ZSCAN25: variants seen among roughly 807,000 people sequenced by gnomAD.
The protein encoded by ZSCAN25 is zinc finger and SCAN domain containing 25, also known as zinc finger and SCAN domain-containing protein 25.
In ZSCAN25, 27 loss-of-function variants were observed where a neutral mutation model predicts 38.7. The observed-to-expected ratio is 0.70, with a 90% CI of 0.51 to 0.96. The LOEUF (loss-of-function observed/expected upper bound fraction) is 0.96, where lower values mean the gene tolerates loss of function less well. Among genes scored for constraint, ZSCAN25 ranks in the 40% least tolerant of loss-of-function variants. ZSCAN25 has a pLI of 0.00. For synonymous variants in ZSCAN25, 273 were observed against 277.7 expected, an observed-to-expected ratio of 0.98 and a Z score of 0.17; for missense variants, 637 against 705.9, an observed-to-expected ratio of 0.90 and a Z score of 1.11.
At chr7:99,654,960 T>A in the ZSCAN25 span, among the ~76,000 whole-genome samples, 1 of 152,206 alleles carries the variant, frequency 6.6e-6, no homozygotes, top group African/African-American at 2.4e-5. Flanking sequence ...TTGAGATCAT[T>A]GTAGATTCTG....
the ZSCAN25 span, among the ~76,000 whole-genome samples, chr7:99,699,261 A>C: frequency 6.6e-6 from 1 of 152,212 alleles, no homozygotes; most frequent in Non-Finnish European, 1.5e-5. Flanking sequence ...AAATCTTCAA[A>C]ACTTCCTCCA....
At chr7:99,720,175 A>T in the ZSCAN25 span, 1 of 1,034,032 alleles carries the variant, frequency 9.7e-7, no homozygotes, top group South Asian at 1.5e-5. Context: ...AGATGTTACC[A>T]TGGGGGATGG....
At chr7:99,709,442 A>G in the ZSCAN25 span, among the ~76,000 whole-genome samples, 6 of 152,156 alleles carry the variant, frequency 3.9e-5, no homozygotes, top group Admixed American at 1.3e-4. Context: ...ATGGCCCACT[A>G]AGATGTGTGG....
the ZSCAN25 span, among the ~76,000 whole-genome samples, chr7:99,639,287 C>T: frequency 6.6e-6 from 1 of 152,192 alleles, no homozygotes; most frequent in African/African-American, 2.4e-5. Flanking sequence ...ATGGACTGGA[C>T]CTGTTTCCTG....
the ZSCAN25 span, chr7:99,647,620 C>G: frequency 1.0e-6 from 1 of 985,160 alleles, no homozygotes; most frequent in Non-Finnish European, 1.2e-6. Context: ...TTGAGTGTTA[C>G]AAAAAATATG....
chr7:99,686,202 C>T, the ZSCAN25 span, among the ~76,000 whole-genome samples: 1 of 152,160 alleles, frequency 6.6e-6, no homozygotes, highest in African/African-American at 2.4e-5. Flanking sequence ...CGAAGCAGGG[C>T]GAGGCATTGC....
chr7:99,695,284 G>A, the ZSCAN25 span, among the ~76,000 whole-genome samples: 1 of 152,282 alleles, frequency 6.6e-6, no homozygotes, highest in South Asian at 2.1e-4. Flanking sequence ...AATAAAGTGA[G>A]TTTCAAAGCT....
the ZSCAN25 span, among the ~76,000 whole-genome samples, chr7:99,698,020 G>A: frequency 4.6e-5 from 7 of 152,186 alleles, no homozygotes; most frequent in African/African-American, 1.4e-4. Flanking sequence ...GACTCACATG[G>A]TTCCATGTCA....
At chr7:99,670,747 A>G in the ZSCAN25 span, among the ~76,000 whole-genome samples, 1 of 152,152 alleles carries the variant, frequency 6.6e-6, no homozygotes, top group Admixed American at 6.5e-5. Context: ...GTGAGCTACT[A>G]TTTTCAAGGA....
rs771782387 is a variant in ZSCAN25, at chr7:99,619,993, G to A, written c.387G>A (p.Ala129=). 32 of 1,609,922 alleles carry A rather than the reference G, an allele frequency of 2.0e-5. No homozygotes were observed. Among genetic ancestry groups the A allele is most frequent in the African/African-American group, 4.0e-5 (3 of 74,904 alleles). ...CAGAAAGAGCACTGGAGGCCAAGGC[G>A]GTGGGTGAGGAGGGGATCCAGGTCT... ...DLTERALEAK[A]VPCHRQGEQE... is the part of the protein sequence containing the mutation. The change falls in exon 4 of 8, where the codon GCG becomes GCA. Residue 129 remains alanine, a splice_region_variant and synonymous_variant. Transcript: ENST00000394152.
chr7:99,638,398 G>T, the ZSCAN25 span: 2 of 1,592,906 alleles, frequency 1.3e-6, no homozygotes, highest in Non-Finnish European at 8.6e-7. Flanking sequence ...GGCAGGTCCT[G>T]CTTGTTGGTG....
At chr7:99,636,256 A>G (rs1281454070), downstream of ZSCAN25, among the ~76,000 whole-genome samples, 2 of 152,202 alleles carry the variant, frequency 1.3e-5, no homozygotes, top group Non-Finnish European at 2.9e-5. Flanking sequence ...GAAAGCAACC[A>G]GTGTTCTTAG....
Position 99,630,543 on chromosome 7 carries a change from A to C in ZSCAN25, c.*523A>C. The C allele has an allele frequency of 1.0e-6, 1 of 989,296 alleles. No homozygotes were observed. Among genetic ancestry groups the C allele is most frequent in the Non-Finnish European group, 1.2e-6 (1 of 832,590 alleles). The allele number at this position is 989,296 out of a possible 1,614,324, so 61.3% of individuals were successfully genotyped here. ...TCTGGGGGTTGTGCGTTGGGGATGC[A>C]TGCGACAGCCCATGACCCGAGGCAT... is the stretch of plus-strand genomic sequence containing the variant. On this transcript the variant is annotated 3_prime_UTR_variant, in exon 8 of 8. Coordinates refer to ENST00000394152, the MANE Select transcript of ZSCAN25 (RefSeq NM_145115.3).
chr7:99,657,958 A>T, the ZSCAN25 span, among the ~76,000 whole-genome samples: 1 of 151,684 alleles, frequency 6.6e-6, no homozygotes, highest in East Asian at 1.9e-4. Context: ...CCATCCCTTT[A>T]TTTTGAGCCT....
chr7:99,709,257 G>A, the ZSCAN25 span: 2 of 1,613,636 alleles, frequency 1.2e-6, no homozygotes, highest in South Asian at 2.2e-5. Flanking sequence ...ATAGGTGGGT[G>A]GTGCCTGAAA....
chr7:99,690,517 G>A, the ZSCAN25 span, among the ~76,000 whole-genome samples: 3 of 152,190 alleles, frequency 2.0e-5, no homozygotes, highest in South Asian at 4.2e-4. Context: ...GCAACCTACA[G>A]AATGGGAGAA....
the ZSCAN25 span, among the ~76,000 whole-genome samples, chr7:99,708,740 G>A: frequency 2.0e-5 from 3 of 152,052 alleles, no homozygotes; most frequent in Non-Finnish European, 2.9e-5. Flanking sequence ...CATAATAATA[G>A]CATTGTGATC....
the ZSCAN25 span, among the ~76,000 whole-genome samples, chr7:99,691,733 T>C: frequency 6.6e-6 from 1 of 152,190 alleles, no homozygotes. Context: ...TTTTTTTTGC[T>C]TTCTGTTTGC....
At chr7:99,702,951 ATC>A in the ZSCAN25 span, among the ~76,000 whole-genome samples, 1 of 152,022 alleles carries the variant, frequency 6.6e-6, no homozygotes, top group Non-Finnish European at 1.5e-5. Context: ...CATTATAGAG[ATC>A]TCTCTCTTCT....
Sources: allele counts gnomAD v4.1 joint callset (sites outside exome capture counted in the v4.1 genomes callset), GRCh38; gene constraint gnomAD v4.1.1; transcripts MANE v1.5; gene names NCBI Gene and HGNC (gene_info 2026-07-23, HGNC 2026-07-21).